The following CSGALNACT1 variants were observed in gnomAD, a reference collection of about 807,000 sequenced individuals.
The protein encoded by CSGALNACT1 is chondroitin sulfate N-acetylgalactosaminyltransferase 1, also known as beta4GalNAcT-1.
A neutral mutation model predicts 51.0 loss-of-function variants in CSGALNACT1; 52 were observed. The observed-to-expected ratio is 1.02, with a 90% CI of 0.82 to 1.29. CSGALNACT1 has a LOEUF of 1.29. Ranked by LOEUF, CSGALNACT1 falls within the 50% of genes most tolerant of loss-of-function variation. The probability of loss-of-function intolerance (pLI) is 0.00; values close to 1 mark genes in which losing one functional copy is unlikely to be tolerated. For synonymous variants in CSGALNACT1, 341 were observed against 254.4 expected, an observed-to-expected ratio of 1.34 and a Z score of -3.24; for missense variants, 935 against 679.2, an observed-to-expected ratio of 1.38 and a Z score of -4.19.
chr8:19,527,017 C>T (rs1470980997), intron 3 of CSGALNACT1, among the ~76,000 whole-genome samples: 1 of 152,200 alleles, frequency 6.6e-6, no homozygotes, highest in Non-Finnish European at 1.5e-5. Context: ...TATCTACCCA[C>T]CTATCTATAT....
At chr8:19,541,517 G>GCTGGGATTA (rs990524965) in intron 3 of CSGALNACT1, among the ~76,000 whole-genome samples, 1 of 146,568 alleles carries the variant, frequency 6.8e-6, no homozygotes, top group African/African-American at 2.5e-5. Context: ...CTCCCAAAGT[G>GCTGGGATTA]CTGGGATTAC....
chr8:19,478,502 A>G (rs1025192472), intron 4 of CSGALNACT1, among the ~76,000 whole-genome samples: 12 of 150,858 alleles, frequency 8.0e-5, no homozygotes, highest in Admixed American at 6.0e-4. Context: ...TGTAGCCTCG[A>G]CTCCCCAAGA....
At chr8:19,509,979 G>A (rs1325499365) in intron 3 of CSGALNACT1, among the ~76,000 whole-genome samples, 1 of 152,140 alleles carries the variant, frequency 6.6e-6, no homozygotes, top group East Asian at 1.9e-4. Context: ...AGAGAGAGTA[G>A]GGAGCAAGGA....
intron 6 of CSGALNACT1, among the ~76,000 whole-genome samples, chr8:19,428,042 C>G (rs1419882998): frequency 2.0e-5 from 3 of 152,106 alleles, no homozygotes; most frequent in Non-Finnish European, 2.9e-5. Flanking sequence ...CTTCCTCCTT[C>G]TCCTCTGGAT....
intron 5 of CSGALNACT1, among the ~76,000 whole-genome samples, chr8:19,450,438 T>C (rs1586285526): frequency 1.3e-5 from 2 of 152,110 alleles, no homozygotes; most frequent in South Asian, 4.2e-4. Context: ...CTCCCTCTGT[T>C]ACCAGCCACA....
intron 3 of CSGALNACT1, among the ~76,000 whole-genome samples, chr8:19,507,993 C>A (rs1297472182): frequency 6.6e-6 from 1 of 152,206 alleles, no homozygotes; most frequent in Non-Finnish European, 1.5e-5. Context: ...CATGCCTTTG[C>A]CATTTTATAA....
intron 4 of CSGALNACT1, among the ~76,000 whole-genome samples, chr8:19,491,764 ATGTG>A (rs1334283744): frequency 6.6e-6 from 1 of 152,198 alleles, no homozygotes; most frequent in Non-Finnish European, 1.5e-5. Context: ...TTAGCATTTC[ATGTG>A]TGTTTCGATG....
upstream of CSGALNACT1, among the ~76,000 whole-genome samples, chr8:19,684,171 A>G (rs2060834410): frequency 6.6e-6 from 1 of 152,190 alleles, no homozygotes; most frequent in Non-Finnish European, 1.5e-5. Context: ...ATCTCAAAAA[A>G]AAAATACATA....
chr8:19,606,920 C>A (rs947593561), upstream of CSGALNACT1, among the ~76,000 whole-genome samples: 1 of 152,076 alleles, frequency 6.6e-6, no homozygotes, highest in Non-Finnish European at 1.5e-5. Context: ...CTTTGGGAGG[C>A]GGAGACGGGT....
intron 1 of CSGALNACT1, among the ~76,000 whole-genome samples, chr8:19,755,909 C>A (rs2065342905): frequency 2.0e-5 from 3 of 152,206 alleles, no homozygotes; most frequent in South Asian, 4.1e-4. Context: ...GGTGATCTTA[C>A]AATGGGTATG....
In CSGALNACT1 at chr8:19,458,588, C is replaced by T. The variant is rs1000014054; in HGVS notation, c.689G>A (p.Gly230Glu). Residue 230 changes from glycine (G) to glutamate (E), a missense_variant, in exon 5 of 10, where the codon GGG (glycine) becomes GAG (glutamate). Transcript: ENST00000454498. The stretch of plus-strand genomic sequence containing the variant: ...CCGTTTGAATTCGTGTTTGTGGTCC[C>T]CTTTGAAGGTGAGCTCATACAATGT... 17 of 1,614,108 alleles carry T rather than the reference C, an allele frequency of 1.1e-5. No individual in the cohort carries two copies. Among genetic ancestry groups the T allele is most frequent in the Non-Finnish European group, 1.4e-5 (17 of 1,180,032 alleles).
intron 1 of CSGALNACT1, among the ~76,000 whole-genome samples, chr8:19,699,959 A>T (rs1462916966): frequency 6.6e-6 from 1 of 152,018 alleles, no homozygotes; most frequent in African/African-American, 2.4e-5. Context: ...AAAAAATACA[A>T]AACTTAGCTG....
chr8:19,459,382 CAA>C (rs377411028), intron 4 of CSGALNACT1, among the ~76,000 whole-genome samples: 1,809 of 68,984 alleles, frequency 0.026, 21 homozygotes, highest in African/African-American at 0.099. Context: ...AACTTTATCT[CAA>C]AAAAAAAAAA....
chr8:19,729,271 T>C (rs1359832266), intron 1 of CSGALNACT1, among the ~76,000 whole-genome samples: 1 of 152,196 alleles, frequency 6.6e-6, no homozygotes, highest in African/African-American at 2.4e-5. Context: ...CTCTAATACT[T>C]GCTTATTCAT....
At chr8:19,493,055 T>C (rs1377318846) in intron 4 of CSGALNACT1, among the ~76,000 whole-genome samples, 2 of 67,770 alleles carry the variant, frequency 3.0e-5, no homozygotes, top group Non-Finnish European at 7.1e-5. Flanking sequence ...AATTCTTTTT[T>C]TGAAAAAAAA....
At chr8:19,687,792 A>G (rs1220898806) in intron 1 of CSGALNACT1, among the ~76,000 whole-genome samples, 1 of 152,256 alleles carries the variant, frequency 6.6e-6, no homozygotes, top group Non-Finnish European at 1.5e-5. Flanking sequence ...ACTGTAGATC[A>G]TGAAGCAAAA....
At chr8:19,415,656 A>G (rs571026592) in intron 8 of CSGALNACT1, among the ~76,000 whole-genome samples, 1 of 152,244 alleles carries the variant, frequency 6.6e-6, no homozygotes, top group African/African-American at 2.4e-5. Flanking sequence ...TGTAAAACGA[A>G]AACAATTCCT....
chr8:19,731,291 T>A (rs903580460), intron 1 of CSGALNACT1, among the ~76,000 whole-genome samples: 4 of 151,890 alleles, frequency 2.6e-5, no homozygotes, highest in Non-Finnish European at 5.9e-5. Flanking sequence ...GCGGATCACC[T>A]AAGGTCAGGA....
At chr8:19,474,869 G>GGAAA (rs778282993) in intron 4 of CSGALNACT1, among the ~76,000 whole-genome samples, 1 of 86,172 alleles carries the variant, frequency 1.2e-5, no homozygotes, top group African/African-American at 4.7e-5. Context: ...CTCTGTCTCA[G>GGAAA]AAAAAAAAAA....
Sources: gnomAD v4.1 joint callset for allele counts (sites outside exome capture counted in the v4.1 genomes callset) on GRCh38, gnomAD v4.1.1 for gene constraint, MANE v1.5 for transcripts, NCBI Gene and HGNC (gene_info 2026-07-23, HGNC 2026-07-21) for gene names.